Variants in XRCC4 observed in about 807,000 individuals in gnomAD.
XRCC4 encodes the protein X-ray repair cross complementing 4, also known as DNA repair protein XRCC4.
In XRCC4, 28 loss-of-function variants were observed where a neutral mutation model predicts 39.1. The ratio of observed to expected loss-of-function variants is 0.72; its 90% CI spans 0.53 to 0.98. The LOEUF (loss-of-function observed/expected upper bound fraction) is 0.98, where lower values mean the gene tolerates loss of function less well. Ranked by LOEUF, XRCC4 falls within the 50% of genes least tolerant of loss-of-function variation. The probability of loss-of-function intolerance (pLI) is 0.00; values close to 1 mark genes in which losing one functional copy is unlikely to be tolerated. For synonymous variants in XRCC4, 123 were observed against 126.4 expected, an observed-to-expected ratio of 0.97 and a Z score of 0.18; for missense variants, 350 against 376.4, an observed-to-expected ratio of 0.93 and a Z score of 0.58.
intron 7 of XRCC4, among the ~76,000 whole-genome samples, chr5:83,284,591 T>TTAATG (rs1159691280): frequency 6.6e-6 from 1 of 152,264 alleles, no homozygotes; most frequent in East Asian, 1.9e-4. Context: ...GGGCTGTTGT[T>TTAATG]CATTTACTCT....
intron 7 of XRCC4, among the ~76,000 whole-genome samples, chr5:83,347,884 T>C (rs72769359): frequency 0.083 from 12,640 of 152,196 alleles, 1,241 homozygotes; most frequent in East Asian, 0.49. Flanking sequence ...TTACAAGCAT[T>C]GGGTAAGTTC....
downstream of XRCC4, among the ~76,000 whole-genome samples, chr5:83,355,475 T>A (rs192364120): frequency 5.3e-4 from 80 of 152,316 alleles, no homozygotes; most frequent in African/African-American, 1.4e-3. Flanking sequence ...GTTTATCACA[T>A]AGTAGGCACT....
chr5:83,214,632 A>C (rs1354977392), intron 6 of XRCC4, among the ~76,000 whole-genome samples: 1 of 151,990 alleles, frequency 6.6e-6, no homozygotes, highest in Non-Finnish European at 1.5e-5. Flanking sequence ...GGAGATTGAG[A>C]CCATCCTGGC....
intron 3 of XRCC4, among the ~76,000 whole-genome samples, chr5:83,139,027 T>C (rs1390854530): frequency 6.6e-6 from 1 of 152,178 alleles, no homozygotes; most frequent in Non-Finnish European, 1.5e-5. Flanking sequence ...AGTACAATTA[T>C]TAAAACTAAG....
chr5:83,338,735 A>G (rs1756665922), intron 7 of XRCC4, among the ~76,000 whole-genome samples: 1 of 152,196 alleles, frequency 6.6e-6, no homozygotes, highest in Non-Finnish European at 1.5e-5. Flanking sequence ...AGTCCTGAAA[A>G]AATTAGTAAT....
intron 3 of XRCC4, among the ~76,000 whole-genome samples, chr5:83,133,125 T>C (rs1314716255): frequency 5.9e-5 from 9 of 151,942 alleles, no homozygotes. Flanking sequence ...CCCTCAGCTG[T>C]AGGTCTGTTG....
chr5:83,197,744 T>C (rs771716093), intron 4 of XRCC4, among the ~76,000 whole-genome samples: 1 of 152,172 alleles, frequency 6.6e-6, no homozygotes, highest in East Asian at 1.9e-4. Context: ...TGCTTTATTA[T>C]GATCCAGCTA....
intron 1 of XRCC4, among the ~76,000 whole-genome samples, chr5:83,095,254 A>C (rs552306746): frequency 1.3e-4 from 20 of 152,252 alleles, no homozygotes; most frequent in Non-Finnish European, 1.9e-4. Flanking sequence ...TGAGCTCTGC[A>C]ATCAGGCCGA....
intron 3 of XRCC4, among the ~76,000 whole-genome samples, chr5:83,121,985 G>A (rs1169798389): frequency 2.0e-5 from 3 of 152,000 alleles, no homozygotes; most frequent in African/African-American, 4.8e-5. Context: ...AATTAACCAC[G>A]TGTGTATTGG....
chr5:83,178,539 T>A (rs549112046), intron 3 of XRCC4, among the ~76,000 whole-genome samples: 1 of 151,984 alleles, frequency 6.6e-6, no homozygotes, highest in African/African-American at 2.4e-5. Flanking sequence ...GCCAAGCCAG[T>A]GCAAGCAAAA....
intron 3 of XRCC4, among the ~76,000 whole-genome samples, chr5:83,177,853 A>G (rs551251236): frequency 6.6e-6 from 1 of 152,314 alleles, no homozygotes; most frequent in South Asian, 2.1e-4. Context: ...TTAAGCCAGG[A>G]TTGACATAAT....
At chr5:83,217,763 C>G (rs1321856115) in intron 6 of XRCC4, among the ~76,000 whole-genome samples, 6 of 152,016 alleles carry the variant, frequency 3.9e-5, no homozygotes, top group African/African-American at 1.5e-4. Context: ...CTCTCTAATT[C>G]TTACATTCAA....
intron 3 of XRCC4, among the ~76,000 whole-genome samples, chr5:83,146,871 C>T (rs1748479665): frequency 6.6e-6 from 1 of 152,044 alleles, no homozygotes; most frequent in South Asian, 2.1e-4. Context: ...GTGATTTTGT[C>T]CACAGGAAAA....
intron 3 of XRCC4, among the ~76,000 whole-genome samples, chr5:83,190,960 A>C (rs1210809754): frequency 6.6e-6 from 1 of 152,188 alleles, no homozygotes; most frequent in African/African-American, 2.4e-5. Context: ...ATCACTGCCC[A>C]AATCCCTTAC....
In XRCC4 at chr5:83,314,287, G is replaced by C. The variant is rs912735553; in HGVS notation, c.894-38844G>C. 2.0e-5 allele frequency among the ~76,000 whole-genome samples: 3 copies of C among 152,214 alleles called. No individual in the cohort carries two copies. In the East Asian group the frequency reaches 5.8e-4, roughly 29 times the overall value. On this transcript the variant is annotated intron_variant, in intron 7 of 7. Coordinates refer to ENST00000396027, the MANE Select transcript of XRCC4 (RefSeq NM_003401.5). Reference sequence around the variant, plus strand: ...TACTTTGATAATTATCCTTTAACTTGATTTTTAGATAATTGTTGCCTAGTT... The same window carrying C: ...TACTTTGATAATTATCCTTTAACTTCATTTTTAGATAATTGTTGCCTAGTT...
rs200763811 is a variant in XRCC4, at chr5:83,187,337, G to A, written c.316-8433G>A. On this transcript the variant is annotated intron_variant, in intron 3 of 7. Coordinates refer to ENST00000396027, the MANE Select transcript of XRCC4 (RefSeq NM_003401.5). ...GCCAGGAACGTGTCTCTAATTTTAA[G>A]TATTTATGTGAATACATTGGGCTCA... Among the ~76,000 whole-genome samples the A allele has an allele frequency of 5.3e-5, 8 of 152,284 alleles. No individual in the cohort carries two copies. The East Asian group carries it at 1.5e-3, about 29-fold the overall frequency.
chr5:83,129,457 G>A (rs183793144), intron 3 of XRCC4, among the ~76,000 whole-genome samples: 2 of 151,948 alleles, frequency 1.3e-5, no homozygotes, highest in South Asian at 2.1e-4. Flanking sequence ...TTGGCAATGC[G>A]GGCCCTTTTT....
At chr5:83,079,220 G>A (rs981859208) in intron 1 of XRCC4, among the ~76,000 whole-genome samples, 3 of 152,288 alleles carry the variant, frequency 2.0e-5, no homozygotes, top group South Asian at 4.1e-4. Flanking sequence ...GTAAAGAACG[G>A]CATTGCCAGT....
chr5:83,282,252 T>G (rs1293516534), intron 7 of XRCC4, among the ~76,000 whole-genome samples: 1 of 152,168 alleles, frequency 6.6e-6, no homozygotes, highest in East Asian at 1.9e-4. Context: ...AAGTTTCATC[T>G]GCAGGAATTT....
Sources: allele counts gnomAD v4.1 joint callset (sites outside exome capture counted in the v4.1 genomes callset), GRCh38; gene constraint gnomAD v4.1.1; transcripts MANE v1.5; gene names NCBI Gene and HGNC (gene_info 2026-07-23, HGNC 2026-07-21).